Variants in AKT1S1 observed in about 807,000 individuals in gnomAD.
AKT1S1 encodes the protein AKT1 substrate 1, also known as proline-rich AKT1 substrate 1.
AKT1S1 carries 17 observed loss-of-function variants against 21.2 expected under a neutral mutation model. The observed-to-expected ratio is 0.80, with a 90% CI of 0.55 to 1.20. The LOEUF is 1.20. Among genes scored for constraint, AKT1S1 ranks in the 50% most tolerant of loss-of-function variants. The pLI is 0.00. For synonymous variants in AKT1S1, 181 were observed against 165.6 expected, an observed-to-expected ratio of 1.09 and a Z score of -0.72; for missense variants, 366 against 368.3, an observed-to-expected ratio of 0.99 and a Z score of 0.05.
Position 49,869,710 on chromosome 19 carries a change from C to T in AKT1S1, c.*207G>A. The stretch of plus-strand genomic sequence containing the variant: ...GGCGGAGAGAGACGACAGACCCAAT[C>T]GGGAAACGGGACAGATGCCGCTCCT... On this transcript the variant is annotated 3_prime_UTR_variant, in exon 5 of 5. Coordinates refer to ENST00000344175, the MANE Select transcript of AKT1S1 (RefSeq NM_001098633.4). 5.9e-6 allele frequency: 3 copies of T among 508,122 alleles called. No individual in the cohort carries two copies. The highest frequency in any genetic ancestry group is 9.9e-6 in the Non-Finnish European group (3 of 302,720). The allele number at this position is 508,122 out of a possible 1,614,324, so 31.5% of individuals were successfully genotyped here.
At chr19:49,876,458 C>A (rs2074945532) in intron 1 of AKT1S1, 1 of 1,166,012 alleles carries the variant, frequency 8.6e-7, no homozygotes, top group Non-Finnish European at 1.1e-6. Context: ...TTCCAGCGCT[C>A]AGCAAAGGAT....
At chr19:49,876,373 C>G in intron 1 of AKT1S1, 1 of 1,165,848 alleles carries the variant, frequency 8.6e-7, no homozygotes. Flanking sequence ...AGATCCCAGG[C>G]GCTCTGGAAC....
chr19:49,877,464 G>A (rs1341805945), upstream of AKT1S1: 3 of 505,070 alleles, frequency 5.9e-6, no homozygotes, highest in African/African-American at 2.0e-5. Flanking sequence ...TGTTTACTTC[G>A]TGGCGAGAGG....
chr19:49,875,642 G>C (rs1183425992), intron 1 of AKT1S1, among the ~76,000 whole-genome samples: 1 of 152,220 alleles, frequency 6.6e-6, no homozygotes, highest in Admixed American at 6.5e-5. Flanking sequence ...AGAAGAGGGG[G>C]AGAGGAGGTC....
Position 49,873,228 on chromosome 19 carries a change from C to T in AKT1S1, c.68G>A (p.Arg23Gln), listed in dbSNP as rs373287055. Residue 23 changes from arginine (R) to glutamine (Q), a missense_variant, in exon 2 of 5, where the codon CGG becomes CAG. By Grantham distance (43) the Arg-to-Gln change is conservative. Coordinates refer to ENST00000344175, the MANE Select transcript of AKT1S1 (RefSeq NM_001098633.4). The surrounding 1 kb of genome is among the most constrained non-coding windows in gnomAD (Gnocchi z 6.9). Reference protein sequence around the residue: ...VVGAAERFRARTGTELVLLTA... With the variant: ...VVGAAERFRAQTGTELVLLTA... ...CAGCAGCACCAGCTCCGTGCCAGTC[C>T]GGGCCCGGAAGCGCTCAGCGGCCCC... The T allele has an allele frequency of 6.5e-4, 1,003 of 1,536,676 alleles. 5 individuals are homozygous for T. Among genetic ancestry groups the T allele is most frequent in the South Asian group, 4.6e-3 (389 of 84,280 alleles).
Position 49,872,952 on chromosome 19 carries a change from G to A in AKT1S1, c.344C>T (p.Thr115Ile), listed in dbSNP as rs138784716. ...ACTAATGCCCAGCTGCTCCCCGGAGGTCTCTGTCTCTGTGGGCTCATCCTC... is the reference window on the plus strand; with the variant it reads ...ACTAATGCCCAGCTGCTCCCCGGAGATCTCTGTCTCTGTGGGCTCATCCTC... ...EDEDEPTETETSGEQLGISDN... is the reference protein window; with the variant it reads ...EDEDEPTETEISGEQLGISDN... Residue 115 changes from threonine (T) to isoleucine (I), a missense_variant, in exon 2 of 5, where the codon ACC becomes ATC. Thr to Ile is a moderately conservative substitution (Grantham distance 89). Coordinates refer to ENST00000344175, the MANE Select transcript of AKT1S1 (RefSeq NM_001098633.4). 17 of 1,603,562 alleles carry A rather than the reference G, an allele frequency of 1.1e-5. No individual in the cohort carries two copies. Among genetic ancestry groups the A allele is most frequent in the African/African-American group, 1.3e-5 (1 of 74,766 alleles).
rs918332060 is a variant in AKT1S1 at position 49,869,117 on chromosome 19, C to G, written c.*800G>C. 4.6e-5 allele frequency: 7 copies of G among 152,546 alleles called. No individual in the cohort carries two copies. Among genetic ancestry groups the G allele is most frequent in the East Asian group, 1.9e-4 (1 of 5,200 alleles). 9.4% of individuals were successfully genotyped at this position (152,546 alleles called of 1,614,324 possible). A position where few individuals can be genotyped will look rare whatever the true frequency, so the allele number is the denominator to read the frequency against. ...TCCCCCAACCCCTCACTCTCTCCCC[C>G]ACACCAGGGCCGGAGAGTGAGGGCC... On this transcript the variant is annotated 3_prime_UTR_variant, in exon 5 of 5. Transcript: ENST00000344175.
upstream of AKT1S1, chr19:49,877,941 C>A: frequency 5.5e-6 from 4 of 730,236 alleles, no homozygotes; most frequent in South Asian, 7.6e-5. Flanking sequence ...CCGGCTCAGG[C>A]GACTCCTTGA....
At chr19:49,875,842 G>A in intron 1 of AKT1S1, 1 of 985,334 alleles carries the variant, frequency 1.0e-6, no homozygotes, top group Non-Finnish European at 1.2e-6. Flanking sequence ...TACCCAACAG[G>A]AGAGTAGCCA....
chr19:49,870,696 A>C (rs2074874115), intron 4 of AKT1S1, among the ~76,000 whole-genome samples: 1 of 152,208 alleles, frequency 6.6e-6, no homozygotes, highest in Non-Finnish European at 1.5e-5. Flanking sequence ...CCGGAGACCC[A>C]GATCAGGAAC....
upstream of AKT1S1, chr19:49,877,938 AG>A: frequency 1.4e-6 from 1 of 690,182 alleles, no homozygotes; most frequent in Non-Finnish European, 2.3e-6. Flanking sequence ...CCCCCGGCTC[AG>A]GCGACTCCTT....
At chr19:49,876,380 G>A (rs2074944393) in intron 1 of AKT1S1, 21 of 1,150,210 alleles carry the variant, frequency 1.8e-5, no homozygotes, top group South Asian at 3.9e-5. Context: ...AGGCGCTCTG[G>A]AACCGCAAGG....
intron 1 of AKT1S1, among the ~76,000 whole-genome samples, chr19:49,875,639 G>C (rs997292806): frequency 6.6e-6 from 1 of 152,220 alleles, no homozygotes; most frequent in African/African-American, 2.4e-5. Flanking sequence ...CGGAGAAGAG[G>C]GGGAGAGGAG....
chr19:49,872,804 G>A, intron 2 of AKT1S1, 113 bp downstream of exon 2: 9 of 1,297,282 alleles, frequency 6.9e-6, no homozygotes, highest in Non-Finnish European at 8.3e-6. Flanking sequence ...CTGGGGTCCT[G>A]AGACTGCACT....
At chr19:49,877,888 C>A, upstream of AKT1S1, 1 of 1,028,576 alleles carries the variant, frequency 9.7e-7, no homozygotes, top group Non-Finnish European at 1.4e-6. Flanking sequence ...CGTCACCCTC[C>A]CGTCCACCGC....
At chr19:49,876,955 T>G (rs985073076) in intron 1 of AKT1S1, 8 of 369,010 alleles carry the variant, frequency 2.2e-5, no homozygotes, top group African/African-American at 1.3e-4. Flanking sequence ...AAATCGGTGC[T>G]CGTTAACAAC....
chr19:49,875,592 C>T (rs903421682), intron 1 of AKT1S1, among the ~76,000 whole-genome samples: 6 of 152,238 alleles, frequency 3.9e-5, no homozygotes, highest in Non-Finnish European at 8.8e-5. Flanking sequence ...AGGCCTGGGG[C>T]TCTCACTTCC....
intron 2 of AKT1S1, 84 bp from the exon 3 acceptor site, chr19:49,871,973 C>A: frequency 1.5e-6 from 2 of 1,368,836 alleles, no homozygotes; most frequent in Non-Finnish European, 2.1e-6. Flanking sequence ...ACGGCCACTG[C>A]CACAGCCACC....
At chr19:49,870,093 C>G (rs1244384202) in intron 4 of AKT1S1, 33 bp from the exon 5 acceptor site, 4 of 1,482,608 alleles carry the variant, frequency 2.7e-6, no homozygotes, top group Non-Finnish European at 3.6e-6. Context: ...AGGTCAGCGC[C>G]GGCAGGGCAA....
Sources: allele counts gnomAD v4.1 joint callset (sites outside exome capture counted in the v4.1 genomes callset), GRCh38; gene constraint gnomAD v4.1.1; non-coding constraint Gnocchi (gnomAD v3.1); transcripts MANE v1.5; gene names NCBI Gene and HGNC (gene_info 2026-07-23, HGNC 2026-07-21).